Variants in DNAH9 observed in about 807,000 individuals in gnomAD.
DNAH9 encodes DNAH9 variant protein.
DNAH9 carries 345 observed loss-of-function variants against 471.6 expected under a neutral mutation model. The ratio of observed to expected loss-of-function variants is 0.73; its 90% CI spans 0.67 to 0.80. DNAH9 has a LOEUF of 0.80. Among genes scored for constraint, DNAH9 ranks in the 30% least tolerant of loss-of-function variants. The probability of loss-of-function intolerance (pLI) is 0.00; values close to 1 mark genes in which losing one functional copy is unlikely to be tolerated. For synonymous variants in DNAH9, 2,093 were observed against 2,123.6 expected (o/e 0.99, Z 0.40); for missense variants, 5,407 against 5,609.2 (o/e 0.96, Z 1.15).
rs139646816 is a variant in DNAH9, at chr17:11,746,204, A to G, written c.6399+1120A>G. Reference sequence around the variant, plus strand: ...ACTGGGTAGTCAGGAAAGAGGTTTAATTAACTCACAGTTCTGCATGGCTGG... The same window carrying G: ...ACTGGGTAGTCAGGAAAGAGGTTTAGTTAACTCACAGTTCTGCATGGCTGG... On this transcript the variant is annotated intron_variant, in intron 31 of 68. Transcript: ENST00000262442. Among the ~76,000 whole-genome samples, 114 of 152,296 alleles carry G rather than the reference A, an allele frequency of 7.5e-4. 1 individual carries two copies. Among genetic ancestry groups the G allele is most frequent in the African/African-American group, 2.6e-3 (107 of 41,570 alleles).
chr17:11,895,056 A>G (rs1973179667), intron 59 of DNAH9, among the ~76,000 whole-genome samples: 1 of 152,218 alleles, frequency 6.6e-6, no homozygotes, highest in South Asian at 2.1e-4. Flanking sequence ...CATAGGAGGA[A>G]ACAGGTCCCA....
At chr17:11,793,260 G>A (rs926432547) in intron 41 of DNAH9, among the ~76,000 whole-genome samples, 53 of 152,152 alleles carry the variant, frequency 3.5e-4, no homozygotes, top group African/African-American at 1.2e-3. Flanking sequence ...GTTGCCCAAA[G>A]TCACAAGTCA....
At chr17:11,750,236 C>T (rs1967092600) in intron 32 of DNAH9, among the ~76,000 whole-genome samples, 1 of 151,216 alleles carries the variant, frequency 6.6e-6, no homozygotes, top group South Asian at 2.1e-4. Context: ...AATTTGAGAC[C>T]AGCCTAGGCA....
At chr17:11,621,476 T>C (rs2072862113) in intron 6 of DNAH9, among the ~76,000 whole-genome samples, 1 of 150,516 alleles carries the variant, frequency 6.6e-6, no homozygotes, top group South Asian at 2.1e-4. Flanking sequence ...TATTCCCAGC[T>C]GTCATGAGCA....
chr17:11,657,417 T>G (rs2073672422), intron 14 of DNAH9, among the ~76,000 whole-genome samples: 2 of 152,138 alleles, frequency 1.3e-5, no homozygotes, highest in African/African-American at 4.8e-5. Flanking sequence ...GGATGGTTTA[T>G]AGTTCTAGCA....
At chr17:11,856,684 C>A (rs1163557658) in intron 50 of DNAH9, among the ~76,000 whole-genome samples, 3 of 151,362 alleles carry the variant, frequency 2.0e-5, no homozygotes, top group African/African-American at 7.3e-5. Flanking sequence ...CCAGCCTGGG[C>A]AACACAGCGA....
intron 6 of DNAH9, among the ~76,000 whole-genome samples, 180 bp from the exon 7 acceptor site, chr17:11,629,237 A>AT (rs1271820061): frequency 4.0e-5 from 6 of 151,712 alleles, no homozygotes; most frequent in Non-Finnish European, 7.4e-5. Flanking sequence ...TCCTAATGCT[A>AT]TCCCTCCCCC....
intron 10 of DNAH9, among the ~76,000 whole-genome samples, chr17:11,642,918 G>T (rs774653100): frequency 2.7e-4 from 41 of 152,330 alleles, no homozygotes; most frequent in South Asian, 1.9e-3. Flanking sequence ...AAAAACGCCA[G>T]CAAATTCATT....
intron 53 of DNAH9, among the ~76,000 whole-genome samples, chr17:11,879,516 TTA>T (rs1318159020): frequency 6.6e-6 from 1 of 152,178 alleles, no homozygotes; most frequent in African/African-American, 2.4e-5. Flanking sequence ...TTGAGTTGTA[TTA>T]TATCAGTTTT....
chr17:11,943,296 G>C (rs1196275617), intron 67 of DNAH9, among the ~76,000 whole-genome samples: 2 of 152,068 alleles, frequency 1.3e-5, no homozygotes, highest in African/African-American at 4.8e-5. Flanking sequence ...CTGTCTCTTG[G>C]GGTTAAACAC....
chr17:11,857,826 C>T (rs2108443), intron 50 of DNAH9, among the ~76,000 whole-genome samples: 4,083 of 152,080 alleles, frequency 0.027, 173 homozygotes, highest in African/African-American at 0.092. Flanking sequence ...GGCACCTGCC[C>T]CCCGCAACTC....
At chr17:11,940,405 A>AGAG (rs1974864652) in intron 66 of DNAH9, among the ~76,000 whole-genome samples, 1 of 152,202 alleles carries the variant, frequency 6.6e-6, no homozygotes, top group Non-Finnish European at 1.5e-5. Flanking sequence ...GTCTCTTTGT[A>AGAG]AATAATGTCC....
rs1308161326 is a variant in DNAH9, at chr17:11,930,096, A to ACGGCC, written c.12105+5_12105+9dup. 6.2e-6 allele frequency: 10 copies of ACGGCC among 1,612,792 alleles called. No homozygotes were observed. Among genetic ancestry groups the ACGGCC allele is most frequent in the Non-Finnish European group, 8.5e-6 (10 of 1,179,312 alleles). ...AGGCCCTGGACAACTTCACTCAGGT[A>ACGGCC]CGGCCCCGGGAGGGAGGCAAAAACA... On this transcript the variant is annotated splice_donor_region_variant and intron_variant, in intron 63 of 68. Transcript: ENST00000262442.
At chr17:11,958,646 T>C (rs1975803577) in intron 67 of DNAH9, among the ~76,000 whole-genome samples, 1 of 151,910 alleles carries the variant, frequency 6.6e-6, no homozygotes, top group African/African-American at 2.4e-5. Context: ...TTGATAGTGG[T>C]GGAGGTTGTG....
At chr17:11,730,546 G>C (rs1287571201) in intron 28 of DNAH9, among the ~76,000 whole-genome samples, 2 of 152,168 alleles carry the variant, frequency 1.3e-5, no homozygotes, top group African/African-American at 4.8e-5. Context: ...AGTGTTCAAT[G>C]CTGTCTCAGC....
Position 11,933,975 on chromosome 17 carries a change from G to A in DNAH9, c.12393G>A (p.Leu4131=), listed in dbSNP as rs746461236. Residue 4131 remains leucine, a synonymous_variant, in exon 65 of 69, where the codon CTG becomes CTA. Coordinates refer to ENST00000262442, the MANE Select transcript of DNAH9 (RefSeq NM_001372.4). ...DWDRRLCRTY[L]GEFIRPEMLE... ...ACAGAAGACTCTGCAGAACCTACCT[G>A]GGGGAATTCATTCGACCAGAAATGT... The A allele has an allele frequency of 6.2e-7, 1 of 1,614,180 alleles. No homozygotes were observed. The highest frequency in any genetic ancestry group is 1.7e-5 in the Admixed American group (1 of 60,020).
At chr17:11,746,398 C>A (rs1274152249) in intron 31 of DNAH9, among the ~76,000 whole-genome samples, 1 of 152,204 alleles carries the variant, frequency 6.6e-6, no homozygotes, top group African/African-American at 2.4e-5. Context: ...TATCACAGAT[C>A]TAATTAAATA....
At chr17:11,651,895 G>A (rs1293783722) in intron 13 of DNAH9, among the ~76,000 whole-genome samples, 2 of 151,980 alleles carry the variant, frequency 1.3e-5, no homozygotes. Context: ...CCATCATAGA[G>A]GTAAAAATGA....
intron 28 of DNAH9, among the ~76,000 whole-genome samples, chr17:11,737,548 C>A (rs1004100671): frequency 6.6e-6 from 1 of 152,134 alleles, no homozygotes. Flanking sequence ...TGTGGGCTAG[C>A]CTGAAAGTGT....
Sources: gnomAD v4.1 joint callset for allele counts (sites outside exome capture counted in the v4.1 genomes callset) on GRCh38, gnomAD v4.1.1 for gene constraint, MANE v1.5 for transcripts, NCBI Gene and HGNC (gene_info 2026-07-23, HGNC 2026-07-21) for gene names.